PFKP: variants seen among roughly 807,000 people sequenced by gnomAD.
PFKP encodes ATP-dependent 6-phosphofructokinase, platelet type.
Under a neutral mutation model 94.3 loss-of-function variants are expected in PFKP, and 101 were observed. The ratio of observed to expected loss-of-function variants is 1.07; its 90% CI spans 0.91 to 1.26. The LOEUF (loss-of-function observed/expected upper bound fraction) is 1.26. Ranked by LOEUF, PFKP falls within the 50% of genes most tolerant of loss-of-function variation. PFKP has a pLI of 0.00. For synonymous variants in PFKP, 573 were observed against 432.6 expected, an observed-to-expected ratio of 1.32 and a Z score of -4.03; for missense variants, 1,145 against 1,103.3, an observed-to-expected ratio of 1.04 and a Z score of -0.53.
At chr10:3,134,651 C>G in intron 20 of PFKP, 69 bp downstream of exon 20, 1 of 986,652 alleles carries the variant, frequency 1.0e-6, no homozygotes, top group Non-Finnish European at 1.6e-6. Context: ...AAAATGCTGT[C>G]CTATCGGGGA....
rs1385323372 is a variant in PFKP, at chr10:3,096,548, T to C, written c.187-2727T>C. Among the ~76,000 whole-genome samples the C allele has an allele frequency of 2.0e-5, 3 of 151,996 alleles. No homozygotes were observed. The East Asian group carries it at 5.8e-4, about 29-fold the overall frequency. On this transcript the variant is annotated intron_variant, in intron 2 of 21. Transcript: ENST00000381125. ...AGTTCAGGCCCCATCATGGGTCATC[T>C]TTTCTCTCCTCCTGAGATGTGGGCT...
Position 3,096,935 on chromosome 10 carries a change from G to A in PFKP, c.187-2340G>A, listed in dbSNP as rs374257913. Among the ~76,000 whole-genome samples the A allele has an allele frequency of 7.4e-3, 905 of 122,058 alleles. 154 individuals are homozygous for A. Among genetic ancestry groups the A allele is most frequent in the African/African-American group, 0.028 (873 of 31,236 alleles). The allele number at this position is 122,058 out of a possible 152,430, so 80.1% of individuals were successfully genotyped here. ...CTACTAAAAATACAAAAAATTAGCC[G>A]GGCGTGGTGGCGGGTGCCTGTAGTC... On this transcript the variant is annotated intron_variant, in intron 2 of 21. Coordinates refer to ENST00000381125, the MANE Select transcript of PFKP (RefSeq NM_002627.5).
intron 9 of PFKP, 102 bp from the exon 10 acceptor site, chr10:3,109,253 G>T: frequency 6.8e-7 from 1 of 1,477,268 alleles, no homozygotes; most frequent in South Asian, 1.1e-5. Flanking sequence ...GAGGGGCTGT[G>T]AGCACCTGAC....
intron 3 of PFKP, among the ~76,000 whole-genome samples, chr10:3,100,059 GT>G (rs200195024): frequency 0.037 from 5,016 of 134,376 alleles, 218 homozygotes; most frequent in African/African-American, 0.12. Context: ...GGTGTGTGGT[GT>G]GTGTGTGTGT....
intron 10 of PFKP, among the ~76,000 whole-genome samples, chr10:3,111,924 C>A (rs1430886787): frequency 6.6e-6 from 1 of 152,214 alleles, no homozygotes; most frequent in Non-Finnish European, 1.5e-5. Flanking sequence ...GGAGTTAAAT[C>A]TTCACAGTGT....
Position 3,067,662 on chromosome 10 carries a change from G to T in PFKP, c.67G>T (p.Ala23Ser). The part of the protein sequence containing the change: ...LRKFLEHLSG[A>S]GKAIGVLTSG... ...GAAGTTCCTGGAGCACCTCTCCGGG[G>T]CCGGCAAGGCCATCGGCGTGCTGAC... The change falls in exon 1 of 22, where the codon GCC becomes TCC. Residue 23 changes from alanine to serine, a missense_variant. Physicochemically the swap from Ala to Ser is moderately conservative, Grantham distance 99 (BLOSUM62 1). Coordinates refer to ENST00000381125, the MANE Select transcript of PFKP (RefSeq NM_002627.5). 1 of 1,533,492 alleles carries T rather than the reference G, an allele frequency of 6.5e-7. No individual in the cohort carries two copies. Among genetic ancestry groups the T allele is most frequent in the South Asian group, 1.2e-5 (1 of 82,910 alleles). 95.0% of individuals were successfully genotyped at this position (1,533,492 alleles called of 1,614,324 possible).
intron 1 of PFKP, among the ~76,000 whole-genome samples, chr10:3,077,530 T>G (rs1832716672): frequency 6.6e-6 from 1 of 151,798 alleles, no homozygotes; most frequent in Non-Finnish European, 1.5e-5. Flanking sequence ...CCTCCCAAAG[T>G]GCTGGGATTA....
At chr10:3,093,004 C>G (rs1416394243) in intron 2 of PFKP, among the ~76,000 whole-genome samples, 2 of 142,776 alleles carry the variant, frequency 1.4e-5, no homozygotes, top group African/African-American at 5.3e-5. Context: ...AGCCTGAGCT[C>G]CTGCTCCTGG....
In PFKP at chr10:3,073,440, G is replaced by A. The variant is rs186384993; in HGVS notation, c.112+5733G>A. On this transcript the variant is annotated intron_variant, in intron 1 of 21. Coordinates refer to ENST00000381125, the MANE Select transcript of PFKP (RefSeq NM_002627.5). The stretch of plus-strand genomic sequence containing the variant: ...CCCAGAGATGCCTAGGGGAGCCTGC[G>A]GAGGTGTAGATCCTGACTGTGTGGG... Among the ~76,000 whole-genome samples, 120 of 151,996 alleles carry A rather than the reference G, an allele frequency of 7.9e-4. 3 individuals carry two copies. In the Middle Eastern group the frequency reaches 0.014, roughly 17 times the overall value.
At chr10:3,110,472 TC>T (rs1235715840) in intron 10 of PFKP, among the ~76,000 whole-genome samples, 1 of 147,182 alleles carries the variant, frequency 6.8e-6, no homozygotes, top group Non-Finnish European at 1.5e-5. Context: ...CACCTCGGCC[TC>T]CCAAAGTGCT....
At chr10:3,107,386 G>T (rs1479246817) in intron 8 of PFKP, 77 bp downstream of exon 8, 1 of 827,792 alleles carries the variant, frequency 1.2e-6, no homozygotes, top group South Asian at 1.5e-5. Flanking sequence ...GGCAGGCTTG[G>T]TTTAGAACAT....
At position 3,077,249 on chromosome 10, in the gene PFKP, C is replaced by CTTT. The variant is rs35306351; in HGVS notation, c.113-5130_113-5128dup. On this transcript the variant is annotated intron_variant, in intron 1 of 21. Coordinates refer to ENST00000381125, the MANE Select transcript of PFKP (RefSeq NM_002627.5). ...TTCATTAGAGTTCATCTATTCTTTA[C>CTTT]TTTTTTTTTTTCTTTTTTTTTTTTT... Among the ~76,000 whole-genome samples the CTTT allele has an allele frequency of 2.5e-4, 27 of 108,200 alleles. 1 individual carries two copies. Among genetic ancestry groups the CTTT allele is most frequent in the Non-Finnish European group, 4.2e-4 (23 of 55,004 alleles). The allele number at this position is 108,200 out of a possible 152,430, so 71.0% of individuals were successfully genotyped here.
chr10:3,118,521 G>A (rs1837058618), intron 14 of PFKP, among the ~76,000 whole-genome samples: 1 of 152,130 alleles, frequency 6.6e-6, no homozygotes, highest in South Asian at 2.1e-4. Flanking sequence ...TTTCTAATGG[G>A]GCAGTAGAGT....
In PFKP at chr10:3,099,368, C is replaced by T. The variant is rs557729507; in HGVS notation, c.264+16C>T. On this transcript the variant is annotated intron_variant, in intron 3 of 21. Coordinates refer to ENST00000381125, the MANE Select transcript of PFKP (RefSeq NM_002627.5). ...CCTGCAAGTGGTAGGTACTGGGCTG[C>T]GTCCACAGGGTTCTCTGAGTTAGAG... The T allele has an allele frequency of 1.1e-4, 180 of 1,600,284 alleles. 1 individual carries two copies. In the South Asian group the frequency reaches 1.6e-3, roughly 14 times the overall value.
chr10:3,068,719 C>G, intron 1 of PFKP: 7 of 984,730 alleles, frequency 7.1e-6, no homozygotes, highest in Non-Finnish European at 8.4e-6. Flanking sequence ...GATGGAGTGT[C>G]CCGATCCGTG....
chr10:3,099,715 G>A (rs1016065028), intron 3 of PFKP, among the ~76,000 whole-genome samples: 2 of 152,184 alleles, frequency 1.3e-5, no homozygotes, highest in African/African-American at 2.4e-5. Context: ...GTGGAGCAAC[G>A]TTTGCAAAAC....
chr10:3,096,639 T>C (rs995567344), intron 2 of PFKP, among the ~76,000 whole-genome samples: 1 of 133,758 alleles, frequency 7.5e-6, no homozygotes, highest in Non-Finnish European at 1.6e-5. Flanking sequence ...ACATGCCTGC[T>C]TCCTTGTTTC....
At chr10:3,111,066 G>T (rs940855746) in intron 10 of PFKP, among the ~76,000 whole-genome samples, 1 of 151,856 alleles carries the variant, frequency 6.6e-6, no homozygotes, top group Admixed American at 6.6e-5. Flanking sequence ...ATATATGTGT[G>T]TGAGGTAATG....
rs1346192758 is a variant in PFKP, at chr10:3,108,725, GAC to G, written c.900_901del (p.Arg301CysfsTer103). On this transcript the variant is annotated frameshift_variant, in exon 9 of 22. Transcript: ENST00000381125. LOFTEE classifies it high-confidence loss of function. The stretch of plus-strand genomic sequence containing the variant: ...GCTTGTCGTCACGCAGCTGGGCTAT[GAC>G]ACACGTGTGACCATCCTCGGGCACG... ...KELVVTQLGY[D>X]TRVTILGHVQ... 6.2e-6 allele frequency: 10 copies of G among 1,613,858 alleles called. No individual in the cohort carries two copies. Among genetic ancestry groups the G allele is most frequent in the Non-Finnish European group, 8.5e-6 (10 of 1,179,930 alleles).
Sources: allele counts gnomAD v4.1 joint callset (sites outside exome capture counted in the v4.1 genomes callset), GRCh38; gene constraint gnomAD v4.1.1; transcripts MANE v1.5; gene names NCBI Gene and HGNC (gene_info 2026-07-23, HGNC 2026-07-21).